CTNNA3: variants seen among roughly 807,000 people sequenced by gnomAD.
CTNNA3 encodes catenin alpha-3.
In CTNNA3, 76 loss-of-function variants were observed where a neutral mutation model predicts 95.7. That is an observed-to-expected ratio of 0.79 (90% confidence interval 0.66 to 0.96). The LOEUF (loss-of-function observed/expected upper bound fraction) is 0.96, where lower values mean the gene tolerates loss of function less well. Among genes scored for constraint, CTNNA3 ranks in the 40% least tolerant of loss-of-function variants. The pLI, the probability that CTNNA3 is intolerant of heterozygous loss-of-function variation, is 0.00. For synonymous variants in CTNNA3, 431 were observed against 374.4 expected (o/e 1.15, Z -1.74); for missense variants, 1,191 against 1,089.8 (o/e 1.09, Z -1.31).
intron 7 of CTNNA3, among the ~76,000 whole-genome samples, chr10:66,851,642 AC>A (rs1843500329): frequency 1.4e-4 from 4 of 28,954 alleles, no homozygotes; most frequent in Admixed American, 8.7e-4. Context: ...ATACACACAC[AC>A]ACACACACAC....
At chr10:67,735,039 G>T (rs549410798) in intron 1 of CTNNA3, among the ~76,000 whole-genome samples, 25 of 151,506 alleles carry the variant, frequency 1.7e-4, no homozygotes, top group African/African-American at 5.8e-4. Flanking sequence ...GTTTCTAAAG[G>T]TACACAATGT....
At chr10:67,566,070 T>TATATATAC (rs1193825437) in intron 3 of CTNNA3, among the ~76,000 whole-genome samples, 2 of 102,516 alleles carry the variant, frequency 2.0e-5, no homozygotes, top group African/African-American at 7.3e-5. Context: ...TATATATATA[T>TATATATAC]ATACAAAACC....
intron 12 of CTNNA3, among the ~76,000 whole-genome samples, chr10:66,316,198 C>T (rs1447927447): frequency 6.6e-6 from 1 of 151,978 alleles, no homozygotes; most frequent in African/African-American, 2.4e-5. Context: ...TTTGGTGAAT[C>T]AGTGAGTGAC....
intron 5 of CTNNA3, among the ~76,000 whole-genome samples, chr10:67,504,456 A>G (rs959390605): frequency 2.0e-5 from 3 of 150,546 alleles, no homozygotes; most frequent in Non-Finnish European, 4.4e-5. Context: ...AAAAAAAAAA[A>G]AAAACAGAGT....
At chr10:66,471,946 T>G (rs1405063142) in intron 11 of CTNNA3, among the ~76,000 whole-genome samples, 1 of 151,960 alleles carries the variant, frequency 6.6e-6, no homozygotes, top group African/African-American at 2.4e-5. Context: ...CTTTTATGGG[T>G]TAGACTTTTG....
intron 11 of CTNNA3, among the ~76,000 whole-genome samples, chr10:66,410,708 G>A (rs1392931705): frequency 6.6e-6 from 1 of 152,014 alleles, no homozygotes; most frequent in Non-Finnish European, 1.5e-5. Flanking sequence ...TCTTTGTCAG[G>A]ACCCTATCAC....
chr10:67,308,592 C>G (rs1840656082), intron 5 of CTNNA3, among the ~76,000 whole-genome samples: 3 of 152,026 alleles, frequency 2.0e-5, no homozygotes, highest in Admixed American at 2.0e-4. Flanking sequence ...CATTTTTTTT[C>G]TAGCCTAAAT....
At chr10:66,904,674 A>G (rs575141093) in intron 7 of CTNNA3, among the ~76,000 whole-genome samples, 62 of 152,210 alleles carry the variant, frequency 4.1e-4, no homozygotes, top group Non-Finnish European at 7.5e-4. Context: ...TTTACAAGAA[A>G]AAAACAAACA....
intron 8 of CTNNA3, among the ~76,000 whole-genome samples, chr10:66,770,745 T>C (rs566468001): frequency 1.6e-4 from 25 of 151,974 alleles, no homozygotes; most frequent in South Asian, 8.3e-4. Flanking sequence ...GGAAGGGGAA[T>C]GGAAAGGGGA....
At chr10:67,332,861 C>G (rs1205529657) in intron 5 of CTNNA3, among the ~76,000 whole-genome samples, 1 of 152,092 alleles carries the variant, frequency 6.6e-6, no homozygotes. Flanking sequence ...TTTTTCCTAC[C>G]TGTAATTTAA....
intron 5 of CTNNA3, among the ~76,000 whole-genome samples, chr10:67,298,135 G>C (rs1165323660): frequency 6.6e-6 from 1 of 152,152 alleles, no homozygotes; most frequent in African/African-American, 2.4e-5. Flanking sequence ...TTTACTCCAG[G>C]AGTTTTTCAA....
intron 11 of CTNNA3, among the ~76,000 whole-genome samples, chr10:66,397,399 T>C (rs954483837): frequency 4.0e-5 from 6 of 151,774 alleles, no homozygotes; most frequent in African/African-American, 1.4e-4. Context: ...AAGCTTAACA[T>C]CCTTAGTTCT....
chr10:65,919,430 T>C lies in CTNNA3; in HGVS notation c.*900A>G, dbSNP rs1018821849. On this transcript the variant is annotated 3_prime_UTR_variant, in exon 18 of 18. Transcript: ENST00000433211. ...TTTCCTTTTAATTACAATTGCAAGC[T>C]GATAAAAATGTATTTTTATGTTTGT... 11 of 152,226 alleles carry C rather than the reference T, an allele frequency of 7.2e-5. No individual in the cohort carries two copies. Among genetic ancestry groups the C allele is most frequent in the Non-Finnish European group, 1.3e-4 (9 of 68,042 alleles). The allele number at this position is 152,226 out of a possible 1,614,324, so 9.4% of individuals were successfully genotyped here.
intron 15 of CTNNA3, among the ~76,000 whole-genome samples, chr10:66,056,959 A>C (rs12414440): frequency 0.11 from 17,172 of 152,214 alleles, 1,168 homozygotes; most frequent in Non-Finnish European, 0.16. Flanking sequence ...ATGACAGCCA[A>C]CTTACCTATA....
At chr10:66,668,695 C>T (rs1013475193) in intron 9 of CTNNA3, among the ~76,000 whole-genome samples, 6 of 151,910 alleles carry the variant, frequency 3.9e-5, no homozygotes, top group African/African-American at 1.5e-4. Context: ...GTCTGTAATC[C>T]CAGCTATTTG....
At chr10:66,375,166 T>C (rs937339082) in intron 12 of CTNNA3, among the ~76,000 whole-genome samples, 1 of 151,722 alleles carries the variant, frequency 6.6e-6, no homozygotes, top group South Asian at 2.1e-4. Flanking sequence ...AATCTTGGCA[T>C]GTCCCCGCCA....
chr10:66,320,095 CAT>C (rs2092160250), intron 12 of CTNNA3, among the ~76,000 whole-genome samples: 1 of 152,084 alleles, frequency 6.6e-6, no homozygotes, highest in Admixed American at 6.6e-5. Context: ...CGCAGCATTG[CAT>C]ATAAAATGCC....
At chr10:66,262,394 C>T (rs1272549308) in intron 13 of CTNNA3, among the ~76,000 whole-genome samples, 1 of 151,880 alleles carries the variant, frequency 6.6e-6, no homozygotes, top group Non-Finnish European at 1.5e-5. Flanking sequence ...TTGCCTTTGT[C>T]TTTCCCCTTT....
intron 7 of CTNNA3, among the ~76,000 whole-genome samples, chr10:66,915,698 T>TATATATATATATA (rs1846452314): frequency 6.8e-6 from 1 of 146,800 alleles, no homozygotes; most frequent in African/African-American, 2.5e-5. Flanking sequence ...GCATTTGACA[T>TATATATATATATA]ATATATATAT....
Sources: gnomAD v4.1 joint callset for allele counts (sites outside exome capture counted in the v4.1 genomes callset) on GRCh38, gnomAD v4.1.1 for gene constraint, MANE v1.5 for transcripts, NCBI Gene and HGNC (gene_info 2026-07-23, HGNC 2026-07-21) for gene names.